FER: variants seen among roughly 807,000 people sequenced by gnomAD.
FER encodes tyrosine-protein kinase Fer.
In FER, 63 loss-of-function variants were observed where a neutral mutation model predicts 111.0. The ratio of observed to expected loss-of-function variants is 0.57; its 90% CI spans 0.46 to 0.70. The LOEUF is 0.70. Among genes scored for constraint, FER ranks in the 30% least tolerant of loss-of-function variants. The pLI is 0.00. For synonymous variants in FER, 327 were observed against 313.9 expected (o/e 1.04, Z -0.44); for missense variants, 914 against 954.0 (o/e 0.96, Z 0.55).
intron 13 of FER, among the ~76,000 whole-genome samples, chr5:108,983,298 A>T (rs1004804816): frequency 2.6e-5 from 4 of 152,084 alleles, no homozygotes; most frequent in African/African-American, 9.7e-5. Flanking sequence ...TTATACTTAG[A>T]CCATAATTTA....
intron 5 of FER, among the ~76,000 whole-genome samples, chr5:108,853,343 C>G: frequency 6.6e-6 from 1 of 152,072 alleles, no homozygotes; most frequent in Admixed American, 6.5e-5. Flanking sequence ...TACAAAAATC[C>G]CAGCCTCCTT....
intron 17 of FER, among the ~76,000 whole-genome samples, chr5:109,127,885 T>C (rs1751915037): frequency 6.6e-6 from 1 of 152,192 alleles, no homozygotes; most frequent in South Asian, 2.1e-4. Flanking sequence ...TTAAAAGTTA[T>C]TTTTCATAAT....
At chr5:109,104,795 T>G (rs1748680594) in intron 17 of FER, among the ~76,000 whole-genome samples, 1 of 152,012 alleles carries the variant, frequency 6.6e-6, no homozygotes. Flanking sequence ...CAGGCTGGAG[T>G]GCAGTGGCGC....
chr5:109,037,980 C>T lies in FER; in HGVS notation c.1713+502C>T, dbSNP rs1289649692. Among the ~76,000 whole-genome samples, 3 of 151,660 alleles carry T rather than the reference C, an allele frequency of 2.0e-5. No individual in the cohort carries two copies. The East Asian group carries it at 5.8e-4, about 29-fold the overall frequency. On this transcript the variant is annotated intron_variant, in intron 14 of 19. Coordinates refer to ENST00000281092, the MANE Select transcript of FER (RefSeq NM_005246.4). Reference sequence around the variant, plus strand: ...AAAAATGTGGACAAGACACTTGTTTCAATATAAATATTAATTTTATAACTA... The same window carrying T: ...AAAAATGTGGACAAGACACTTGTTTTAATATAAATATTAATTTTATAACTA...
chr5:109,097,826 C>G (rs1280504165), intron 16 of FER, among the ~76,000 whole-genome samples: 2 of 151,710 alleles, frequency 1.3e-5, no homozygotes, highest in Non-Finnish European at 2.9e-5. Flanking sequence ...TTGCGGAAGG[C>G]TTGGGCTTTC....
chr5:108,846,362 C>T (rs1762024357), intron 5 of FER, among the ~76,000 whole-genome samples: 1 of 151,714 alleles, frequency 6.6e-6, no homozygotes. Context: ...ATCGCTTGAG[C>T]CTAGGAGTAC....
At chr5:109,087,796 T>G (rs562195068) in intron 16 of FER, among the ~76,000 whole-genome samples, 2 of 151,964 alleles carry the variant, frequency 1.3e-5, no homozygotes, top group African/African-American at 4.8e-5. Context: ...TGTATGTATG[T>G]GTAAGCATTT....
chr5:108,884,512 G>GTTTTTTTTTTTTTTTTTTT (rs776345488), intron 9 of FER, among the ~76,000 whole-genome samples: 3 of 144,532 alleles, frequency 2.1e-5, no homozygotes, highest in Non-Finnish European at 3.0e-5. Flanking sequence ...CTTATGCCTG[G>GTTTTTTTTTTTTTTTTTTT]TTTTTTTTTT....
At chr5:109,038,338 A>G (rs1469972613) in intron 14 of FER, among the ~76,000 whole-genome samples, 3 of 151,914 alleles carry the variant, frequency 2.0e-5, no homozygotes, top group African/African-American at 7.2e-5. Flanking sequence ...TAACATACAT[A>G]TGAGTGATCA....
At chr5:108,750,841 C>CA (rs1750411342) in intron 1 of FER, among the ~76,000 whole-genome samples, 1 of 152,194 alleles carries the variant, frequency 6.6e-6, no homozygotes, top group Non-Finnish European at 1.5e-5. Context: ...GATTTCAAGA[C>CA]CACTGTTACA....
intron 2 of FER, among the ~76,000 whole-genome samples, chr5:108,779,376 T>C (rs767429836): frequency 2.6e-5 from 4 of 152,176 alleles, no homozygotes; most frequent in Non-Finnish European, 4.4e-5. Context: ...ATAAATGAAA[T>C]TGGGAAGAAT....
At chr5:109,186,376 G>A in intron 19 of FER, 54 bp downstream of exon 19, 2 of 1,613,098 alleles carry the variant, frequency 1.2e-6, no homozygotes, top group Non-Finnish European at 1.7e-6. Context: ...GGGGTAGGCA[G>A]TGCTTATAGT....
intron 13 of FER, among the ~76,000 whole-genome samples, chr5:108,961,419 A>C (rs907422681): frequency 6.6e-6 from 1 of 152,194 alleles, no homozygotes; most frequent in African/African-American, 2.4e-5. Context: ...AAACTTTGAT[A>C]ATAGATTAGA....
In FER at chr5:109,076,183, G is replaced by A. The variant is rs142296674; in HGVS notation, c.1925-24213G>A. Among the ~76,000 whole-genome samples the A allele has an allele frequency of 7.8e-3, 1,189 of 152,114 alleles. 13 individuals carry two copies. The highest frequency in any genetic ancestry group is 0.028 in the African/African-American group (1,148 of 41,520). On this transcript the variant is annotated intron_variant, in intron 16 of 19. Coordinates refer to ENST00000281092, the MANE Select transcript of FER (RefSeq NM_005246.4). ...AATTATATATAAGGAGAAAGATAGC[G>A]AAATCAGTAAAATTTAGAACCAAGA... is the stretch of plus-strand genomic sequence containing the variant.
chr5:108,902,016 T>G (rs993954615), intron 10 of FER, among the ~76,000 whole-genome samples: 3 of 152,220 alleles, frequency 2.0e-5, no homozygotes, highest in Non-Finnish European at 4.4e-5. Context: ...AATCACAGTT[T>G]TACCTTATTT....
intron 10 of FER, among the ~76,000 whole-genome samples, chr5:108,906,247 A>C (rs1293585205): frequency 6.6e-6 from 1 of 152,234 alleles, no homozygotes; most frequent in Non-Finnish European, 1.5e-5. Flanking sequence ...GAAACATCAC[A>C]GAAACAATAA....
chr5:109,097,306 T>C (rs1747660589), intron 16 of FER, among the ~76,000 whole-genome samples: 1 of 151,938 alleles, frequency 6.6e-6, no homozygotes, highest in African/African-American at 2.4e-5. Flanking sequence ...TTATCATTAT[T>C]ATAGAATTCT....
rs554766474 is a variant in FER at position 109,012,448 on chromosome 5, TC to T, written c.1657-24972del. Among the ~76,000 whole-genome samples, 7 of 152,238 alleles carry T rather than the reference TC, an allele frequency of 4.6e-5. No homozygotes were observed. The South Asian group carries it at 1.4e-3, about 31-fold the overall frequency. On this transcript the variant is annotated intron_variant, in intron 13 of 19. Coordinates refer to ENST00000281092, the MANE Select transcript of FER (RefSeq NM_005246.4). Reference sequence around the variant, plus strand: ...CGTATTTTGAGGCTAAATATGAAATTCCAATACTGATTTAGTCATCTTTAAG... The same window carrying T: ...CGTATTTTGAGGCTAAATATGAAATTCAATACTGATTTAGTCATCTTTAAG...
At chr5:109,155,461 G>A (rs1487403100) in intron 17 of FER, among the ~76,000 whole-genome samples, 1 of 151,876 alleles carries the variant, frequency 6.6e-6, no homozygotes, top group African/African-American at 2.4e-5. Context: ...ATTGCATAGA[G>A]GTACTTGTAA....
Sources: allele counts gnomAD v4.1 joint callset (sites outside exome capture counted in the v4.1 genomes callset), GRCh38; gene constraint gnomAD v4.1.1; transcripts MANE v1.5; gene names NCBI Gene and HGNC (gene_info 2026-07-23, HGNC 2026-07-21).